The following NAV2 variants were observed in gnomAD, a reference collection of about 807,000 sequenced individuals.
The protein encoded by NAV2 is helicase, APC down-regulated 1.
In NAV2, 54 loss-of-function variants were observed where a neutral mutation model predicts 223.2. The observed-to-expected ratio is 0.24, with a 90% CI of 0.19 to 0.30. The LOEUF is 0.30. NAV2 is among the 10% of genes least tolerant of loss of function. The probability of loss-of-function intolerance (pLI) is 1.00; values close to 1 mark genes in which losing one functional copy is unlikely to be tolerated. For synonymous variants in NAV2, 1,279 were observed against 1,239.3 expected, an observed-to-expected ratio of 1.03 and a Z score of -0.67; for missense variants, 2,806 against 3,147.5, an observed-to-expected ratio of 0.89 and a Z score of 2.60.
At chr11:19,518,956 A>G (rs2702731) in intron 1 of NAV2, among the ~76,000 whole-genome samples, 42,742 of 151,892 alleles carry the variant, frequency 0.28, 7,020 homozygotes, top group African/African-American at 0.46. Flanking sequence ...TCTGCTGTGT[A>G]AGGAAACGAA....
intron 1 of NAV2, among the ~76,000 whole-genome samples, chr11:19,617,538 C>G (rs920827416): frequency 6.6e-6 from 1 of 152,148 alleles, no homozygotes; most frequent in East Asian, 1.9e-4. Flanking sequence ...TGGAGAGAGA[C>G]ACATGAATCA....
chr11:19,768,476 G>A (rs1370191016), intron 1 of NAV2, among the ~76,000 whole-genome samples: 1 of 152,094 alleles, frequency 6.6e-6, no homozygotes, highest in Non-Finnish European at 1.5e-5. Context: ...GGATGGACTG[G>A]TATGGCAAAA....
intron 1 of NAV2, among the ~76,000 whole-genome samples, chr11:19,364,368 C>T (rs1052325104): frequency 6.6e-6 from 1 of 152,160 alleles, no homozygotes. Flanking sequence ...TCTGCCATTG[C>T]TACCACCCCA....
chr11:19,977,511 C>G (rs79254142), intron 10 of NAV2, among the ~76,000 whole-genome samples: 7,213 of 152,242 alleles, frequency 0.047, 561 homozygotes, highest in African/African-American at 0.16. Context: ...ATATTAGAGT[C>G]ACTGCAACAT....
intron 1 of NAV2, among the ~76,000 whole-genome samples, chr11:19,414,422 C>G (rs1290542215): frequency 6.6e-6 from 1 of 152,236 alleles, no homozygotes; most frequent in Non-Finnish European, 1.5e-5. Context: ...GCACCAAATA[C>G]AGGATCACCC....
At chr11:19,475,879 C>T (rs1354124419) in intron 1 of NAV2, among the ~76,000 whole-genome samples, 5 of 152,260 alleles carry the variant, frequency 3.3e-5, no homozygotes, top group Non-Finnish European at 7.3e-5. Context: ...GTAAGAGCCA[C>T]GAAGTGGCTG....
rs776782334 is a variant in NAV2 at position 20,045,321 on chromosome 11, C to G, written c.3553C>G (p.Arg1185Gly). Residue 1185 changes from arginine (R) to glycine (G), a missense_variant, in exon 14 of 38, where the codon CGG becomes GGG. Arg to Gly is a moderately radical substitution (Grantham distance 125, BLOSUM62 -2). Transcript: ENST00000349880. ...QDDGYLALSS[R>G]TNLQYRSLPR... ...TGACGGGTATCTAGCCCTAAGCTCC[C>G]GGACAAACCTTCAGTACCGGAGTTT... 7 of 1,614,128 alleles carry G rather than the reference C, an allele frequency of 4.3e-6. No homozygotes were observed. Among genetic ancestry groups the G allele is most frequent in the Non-Finnish European group, 5.1e-6 (6 of 1,180,020 alleles).
At chr11:19,495,991 C>T (rs1429331778) in intron 1 of NAV2, among the ~76,000 whole-genome samples, 1 of 152,110 alleles carries the variant, frequency 6.6e-6, no homozygotes, top group East Asian at 1.9e-4. Context: ...ATCATCCCAC[C>T]TCCCTTCTGA....
At chr11:20,002,670 A>G (rs1161888530) in intron 11 of NAV2, among the ~76,000 whole-genome samples, 1 of 152,110 alleles carries the variant, frequency 6.6e-6, no homozygotes, top group African/African-American at 2.4e-5. Context: ...GGGAAATCCT[A>G]TCGTTGAAGG....
At chr11:20,081,209 C>T (rs1030363412) in intron 25 of NAV2, among the ~76,000 whole-genome samples, 1 of 152,048 alleles carries the variant, frequency 6.6e-6, no homozygotes, top group Non-Finnish European at 1.5e-5. Flanking sequence ...CTAGTGTGAC[C>T]CTCTCATCTT....
chr11:19,616,487 T>C (rs1181537241), intron 1 of NAV2, among the ~76,000 whole-genome samples: 1 of 152,148 alleles, frequency 6.6e-6, no homozygotes, highest in Non-Finnish European at 1.5e-5. Context: ...GAGACTCTCC[T>C]AGGACACTTT....
At chr11:19,529,619 G>A (rs966594519) in intron 1 of NAV2, among the ~76,000 whole-genome samples, 1 of 152,216 alleles carries the variant, frequency 6.6e-6, no homozygotes, top group African/African-American at 2.4e-5. Context: ...TAAGTCCCAG[G>A]GGTACGGGAA....
At chr11:19,950,380 A>C (rs1201674821) in intron 10 of NAV2, among the ~76,000 whole-genome samples, 1 of 152,220 alleles carries the variant, frequency 6.6e-6, no homozygotes, top group East Asian at 1.9e-4. Context: ...CCCATTTTAG[A>C]GATGAGGAAG....
At chr11:19,865,244 G>A (rs1028921787) in intron 3 of NAV2, among the ~76,000 whole-genome samples, 20 of 152,162 alleles carry the variant, frequency 1.3e-4, no homozygotes, top group African/African-American at 4.1e-4. Context: ...AGATGGGCAC[G>A]AGGACATCAT....
At chr11:19,681,552 G>T (rs1347876683) in intron 1 of NAV2, among the ~76,000 whole-genome samples, 1 of 152,128 alleles carries the variant, frequency 6.6e-6, no homozygotes, top group East Asian at 1.9e-4. Context: ...TGGCCCACTG[G>T]TCTGCCTAAG....
chr11:19,949,106 C>A (rs573297915), intron 10 of NAV2, 26 bp downstream of exon 10: 4 of 1,552,928 alleles, frequency 2.6e-6, no homozygotes, highest in South Asian at 1.2e-5. Flanking sequence ...CGCCCTTTCT[C>A]CCAGAGAGAA....
intron 11 of NAV2, chr11:20,027,559 G>C (rs1287869550): frequency 1.4e-6 from 1 of 740,104 alleles, no homozygotes; most frequent in Non-Finnish European, 1.6e-6. Context: ...GGCCCAGACT[G>C]TTTCCAAGGA....
chr11:19,784,573 A>G (rs530984671), intron 1 of NAV2, among the ~76,000 whole-genome samples: 1 of 152,104 alleles, frequency 6.6e-6, no homozygotes, highest in East Asian at 1.9e-4. Context: ...ACTAATGATA[A>G]TTGCATTCCC....
chr11:19,371,301 A>G (rs1289102075), intron 1 of NAV2, among the ~76,000 whole-genome samples: 4 of 152,192 alleles, frequency 2.6e-5, no homozygotes, highest in African/African-American at 7.2e-5. Flanking sequence ...TGGAGGAGCC[A>G]GCACTCAAAT....
Sources: allele counts gnomAD v4.1 joint callset (sites outside exome capture counted in the v4.1 genomes callset), GRCh38; gene constraint gnomAD v4.1.1; transcripts MANE v1.5; gene names NCBI Gene and HGNC (gene_info 2026-07-23, HGNC 2026-07-21).